LAMA1: variants seen among roughly 807,000 people sequenced by gnomAD.
The protein encoded by LAMA1 is laminin subunit alpha 1, also known as laminin subunit alpha-1.
A neutral mutation model predicts 348.7 loss-of-function variants in LAMA1; 219 were observed. The observed-to-expected ratio is 0.63, with a 90% CI of 0.56 to 0.70. The LOEUF (loss-of-function observed/expected upper bound fraction) is 0.70, where lower values mean the gene tolerates loss of function less well. Among genes scored for constraint, LAMA1 ranks in the 30% least tolerant of loss-of-function variants. The pLI, the probability that LAMA1 is intolerant of heterozygous loss-of-function variation, is 0.00. For missense variants in LAMA1, 3,744 were observed against 3,888.0 expected (o/e 0.96, Z 0.99); for synonymous variants, 1,487 against 1,491.0 (o/e 1.00, Z 0.06).
intron 56 of LAMA1, 135 bp downstream of exon 56, chr18:6,956,501 T>C: frequency 7.0e-7 from 1 of 1,438,618 alleles, no homozygotes. Flanking sequence ...CTCTGATTTT[T>C]AGCACAGCTC....
At chr18:7,081,989 G>A (rs564807176) in intron 1 of LAMA1, among the ~76,000 whole-genome samples, 25 of 152,116 alleles carry the variant, frequency 1.6e-4, no homozygotes, top group East Asian at 9.6e-4. Context: ...TGCCTAATAC[G>A]TTCAATGATC....
In LAMA1 at chr18:6,943,369, T is replaced by G; in HGVS notation, c.8878A>C (p.Ile2960Leu). 1 of 1,614,200 alleles carries G rather than the reference T, an allele frequency of 6.2e-7. No individual in the cohort carries two copies. The highest frequency in any genetic ancestry group is 8.5e-7 in the Non-Finnish European group (1 of 1,180,032). The part of the protein sequence containing the change: ...LFHVNNGAGR[I>L]TAAYEPKTAT... ...GTTTTGGGCTCATATGCAGCTGTTA[T>G]CCTGCCAGCACCATTGTTGACATGG... The change falls in exon 62 of 63, where the codon ATA (isoleucine) becomes CTA (leucine). Residue 2960 changes from isoleucine to leucine, a missense_variant. By Grantham distance (5) the Ile-to-Leu change is conservative (BLOSUM62 2). Coordinates refer to ENST00000389658, the MANE Select transcript of LAMA1 (RefSeq NM_005559.4).
intron 44 of LAMA1, among the ~76,000 whole-genome samples, chr18:6,976,588 A>ACAATTATT (rs751868026): frequency 6.4e-4 from 95 of 148,308 alleles, no homozygotes; most frequent in Middle Eastern, 6.9e-3. Context: ...CCTTGGGCTT[A>ACAATTATT]TATTTATTTA....
intron 36 of LAMA1, among the ~76,000 whole-genome samples, chr18:6,989,296 T>G (rs547275709): frequency 2.1e-4 from 32 of 152,282 alleles, no homozygotes; most frequent in African/African-American, 6.7e-4. Context: ...TGGCTGGACT[T>G]CCTTAATAAA....
rs779858070 is a variant in LAMA1, at chr18:7,013,872, G to A, written c.3306C>T (p.Cys1102=). 4.3e-6 allele frequency: 7 copies of A among 1,612,272 alleles called. No homozygotes were observed. Among genetic ancestry groups the A allele is most frequent in the Non-Finnish European group, 5.9e-6 (7 of 1,179,118 alleles). ...CDLRGTSGDA[C]NLEQGLCGCV... is the part of the protein sequence containing the mutation. Reference sequence around the variant, plus strand: ...AGCCGCAGAGACCCTGCTCCAGGTTGCAGGCGTCCCCCGACGTCCCCCTCA... The same window carrying A: ...AGCCGCAGAGACCCTGCTCCAGGTTACAGGCGTCCCCCGACGTCCCCCTCA... Residue 1102 remains cysteine, a synonymous_variant, in exon 23 of 63, where the codon TGC becomes TGT. Transcript: ENST00000389658.
rs144845951 is a variant in LAMA1 at position 7,015,991 on chromosome 18, C to T, written c.2990-133G>A. 1.4e-3 allele frequency: 1,514 copies of T among 1,051,410 alleles called. 27 individuals are homozygous for T. The Admixed American group carries it at 0.027, about 19-fold the overall frequency. The allele number at this position is 1,051,410 out of a possible 1,614,324, so 65.1% of individuals were successfully genotyped here. A position where few individuals can be genotyped will look rare whatever the true frequency, so the allele number is the denominator to read the frequency against. On this transcript the variant is annotated intron_variant, in intron 21 of 62. Coordinates refer to ENST00000389658, the MANE Select transcript of LAMA1 (RefSeq NM_005559.4). ...CTCCTAAAAGACGCCTCACAATTCC[C>T]AAGACCCCTCCATGTCTCATGGAGG...
At position 6,941,850 on chromosome 18, in the gene LAMA1, T is replaced by A. The variant is rs1397993839; in HGVS notation, c.*229A>T. 5.7e-5 allele frequency: 31 copies of A among 540,156 alleles called. No individual in the cohort carries two copies. Among genetic ancestry groups the A allele is most frequent in the East Asian group, 2.4e-4 (7 of 29,668 alleles). 33.5% of individuals were successfully genotyped at this position (540,156 alleles called of 1,614,324 possible). ...CATTCAATGTGTATAAAGATTTTTTTAAAAATACGTTTAAAAAGAGAGCCA... is the reference window on the plus strand; with the variant it reads ...CATTCAATGTGTATAAAGATTTTTTAAAAAATACGTTTAAAAAGAGAGCCA... On this transcript the variant is annotated 3_prime_UTR_variant, in exon 63 of 63. Transcript: ENST00000389658.
chr18:7,068,174 G>C (rs570508600), intron 3 of LAMA1, among the ~76,000 whole-genome samples: 90 of 152,274 alleles, frequency 5.9e-4, no homozygotes, highest in Middle Eastern at 3.4e-3. Flanking sequence ...TCTGAGCCAC[G>C]AAGTGGTCCT....
chr18:6,983,128 C>G lies in LAMA1; in HGVS notation c.5767G>C (p.Ala1923Pro). The G allele has an allele frequency of 6.2e-7, 1 of 1,614,118 alleles. No individual in the cohort carries two copies. The highest frequency in any genetic ancestry group is 8.5e-7 in the Non-Finnish European group (1 of 1,180,020). ...IEESEELARDAHRTVTETSLL... is the reference protein window; with the variant it reads ...IEESEELARDPHRTVTETSLL... ...CTCGTCTCAGTCACAGTCCTGTGAG[C>G]ATCTCTGGCCAGTTCCTCCGATTCT... Residue 1923 changes from alanine to proline, a missense_variant, in exon 40 of 63, where the codon GCT (alanine) becomes CCT (proline). By Grantham distance (27) the Ala-to-Pro change is conservative (BLOSUM62 -1). This residue lies in a region of LAMA1 where 1,983 missense variants were observed against 1,934.3 expected (regional missense o/e 1.03). Coordinates refer to ENST00000389658, the MANE Select transcript of LAMA1 (RefSeq NM_005559.4).
Position 6,959,338 on chromosome 18 carries a change from T to C in LAMA1, c.7778+3A>G. ...TACACACTGCCTGGCCGCGTGCAAGTACCTCCGATTCCTGACCAAGGAGAT... is the reference window on the plus strand; with the variant it reads ...TACACACTGCCTGGCCGCGTGCAAGCACCTCCGATTCCTGACCAAGGAGAT... On this transcript the variant is annotated splice_donor_region_variant and intron_variant, in intron 54 of 62. Coordinates refer to ENST00000389658, the MANE Select transcript of LAMA1 (RefSeq NM_005559.4). 1 of 1,614,072 alleles carries C rather than the reference T, an allele frequency of 6.2e-7. No homozygotes were observed. Among genetic ancestry groups the C allele is most frequent in the South Asian group, 1.1e-5 (1 of 91,084 alleles).
intron 53 of LAMA1, chr18:6,960,098 G>C (rs2057600086): frequency 6.2e-6 from 1 of 160,792 alleles, no homozygotes; most frequent in Non-Finnish European, 1.4e-5. Context: ...AAGACTAATG[G>C]AGAAGAAGTT....
chr18:7,011,152 G>T (rs2057857878), intron 25 of LAMA1, 148 bp downstream of exon 25: 2 of 845,426 alleles, frequency 2.4e-6, no homozygotes, highest in Non-Finnish European at 3.7e-6. Context: ...AGACTTTTAT[G>T]AGCATTAAAC....
At chr18:6,990,746 G>A (rs146684543) in intron 36 of LAMA1, among the ~76,000 whole-genome samples, 41 of 152,086 alleles carry the variant, frequency 2.7e-4, no homozygotes, top group African/African-American at 7.5e-4. Context: ...CGATGTCTCC[G>A]ACTGTCCAAA....
chr18:6,963,671 G>A lies in LAMA1; in HGVS notation c.7337+991C>T, dbSNP rs150417697. ...CAAATGGACATTTGCTAACCACTAC[G>A]CTGAATGGCCCAGTTTGGACATCTA... is the stretch of plus-strand genomic sequence containing the variant. On this transcript the variant is annotated intron_variant, in intron 51 of 62. Coordinates refer to ENST00000389658, the MANE Select transcript of LAMA1 (RefSeq NM_005559.4). Among the ~76,000 whole-genome samples the A allele has an allele frequency of 5.6e-4, 85 of 152,258 alleles. No homozygotes were observed. In the South Asian group the frequency reaches 0.013, roughly 24 times the overall value.
intron 3 of LAMA1, among the ~76,000 whole-genome samples, chr18:7,060,686 G>C (rs1363453515): frequency 6.6e-6 from 1 of 152,144 alleles, no homozygotes; most frequent in African/African-American, 2.4e-5. Context: ...AACGTAAATA[G>C]TAACCCATGA....
rs141697085 is a variant in LAMA1 at position 6,946,798 on chromosome 18, T to C, written c.8844+365A>G. ...TGGTGCATGGGGCCCTCCCTGTACA[T>C]TTCATTGCAACTTCCTATGAATCTG... is the stretch of plus-strand genomic sequence containing the variant. On this transcript the variant is annotated intron_variant, in intron 61 of 62. Transcript: ENST00000389658. 2.0e-5 allele frequency among the ~76,000 whole-genome samples: 3 copies of C among 152,244 alleles called. No homozygotes were observed. The East Asian group carries it at 5.8e-4, about 30-fold the overall frequency.
At chr18:7,067,233 A>G (rs766443302) in intron 3 of LAMA1, among the ~76,000 whole-genome samples, 5 of 149,158 alleles carry the variant, frequency 3.4e-5, no homozygotes, top group Non-Finnish European at 7.3e-5. Context: ...TGCTTTCAGC[A>G]GCATTTTTAC....
intron 36 of LAMA1, among the ~76,000 whole-genome samples, chr18:6,991,293 T>C (rs964639175): frequency 2.0e-5 from 3 of 147,936 alleles, no homozygotes; most frequent in African/African-American, 7.4e-5. Context: ...GCAGTGAACA[T>C]TGTTTTTAAA....
chr18:6,970,378 C>G (rs568632983), intron 48 of LAMA1, among the ~76,000 whole-genome samples: 1 of 152,266 alleles, frequency 6.6e-6, no homozygotes, highest in South Asian at 2.1e-4. Flanking sequence ...GTTTATAAAG[C>G]ATTTTCACAC....
Sources: allele counts gnomAD v4.1 joint callset (sites outside exome capture counted in the v4.1 genomes callset), GRCh38; gene constraint gnomAD v4.1.1; regional missense constraint gnomAD v4.1.1; transcripts MANE v1.5; gene names NCBI Gene and HGNC (gene_info 2026-07-23, HGNC 2026-07-21).